FAM219A: variants seen among roughly 807,000 people sequenced by gnomAD.
FAM219A encodes family with sequence similarity 219 member A.
Under a neutral mutation model 23.4 loss-of-function variants are expected in FAM219A, and 7 were observed. The observed-to-expected ratio is 0.30, with a 90% CI of 0.17 to 0.56. The LOEUF (loss-of-function observed/expected upper bound fraction) is 0.56. Ranked by LOEUF, FAM219A falls within the 20% of genes least tolerant of loss-of-function variation. The probability of loss-of-function intolerance (pLI) is 0.92; values close to 1 mark genes in which losing one functional copy is unlikely to be tolerated. For synonymous variants in FAM219A, 93 were observed against 99.0 expected (o/e 0.94, Z 0.36); for missense variants, 166 against 246.9 (o/e 0.67, Z 2.20).
chr9:34,440,961 C>G (rs554832182), intron 1 of FAM219A, among the ~76,000 whole-genome samples: 1 of 152,178 alleles, frequency 6.6e-6, no homozygotes, highest in Non-Finnish European at 1.5e-5. Context: ...GCCTTTAACT[C>G]CTGGGCTCAA....
At chr9:34,441,599 G>A (rs946931945) in intron 1 of FAM219A, among the ~76,000 whole-genome samples, 3 of 152,132 alleles carry the variant, frequency 2.0e-5, no homozygotes, top group Non-Finnish European at 4.4e-5. Context: ...TACCTGTGGG[G>A]GTATGAAGGC....
chr9:34,444,670 T>C (rs1823305688), intron 1 of FAM219A, among the ~76,000 whole-genome samples: 1 of 152,164 alleles, frequency 6.6e-6, no homozygotes, highest in Non-Finnish European at 1.5e-5. Context: ...GGAACTCAGA[T>C]TGCTAACTCA....
chr9:34,456,041 A>C (rs1407646899), intron 1 of FAM219A, among the ~76,000 whole-genome samples: 1 of 152,120 alleles, frequency 6.6e-6, no homozygotes, highest in Non-Finnish European at 1.5e-5. Flanking sequence ...AAAAATACAA[A>C]AATTAGCCAT....
intron 1 of FAM219A, among the ~76,000 whole-genome samples, chr9:34,441,268 C>T (rs116750475): frequency 0.016 from 2,451 of 152,312 alleles, 74 homozygotes; most frequent in African/African-American, 0.056. Context: ...ATAAACCCAG[C>T]CCTTGCTGAA....
rs566805086 is a variant in FAM219A at position 34,457,034 on chromosome 9, G to A, written c.60+1170C>T. Among the ~76,000 whole-genome samples, 1 of 152,254 alleles carries A rather than the reference G, an allele frequency of 6.6e-6. No individual in the cohort carries two copies. The highest frequency in any genetic ancestry group is 2.4e-5 in the African/African-American group (1 of 41,544). The stretch of plus-strand genomic sequence containing the variant: ...TAGGCCCAAGGGTAGACCTGTTTCT[G>A]GCCACCCTGCCTAACACAGAAGCAG... On this transcript the variant is annotated intron_variant, in intron 1 of 5. Coordinates refer to ENST00000651358, the MANE Select transcript of FAM219A (RefSeq NM_001184940.2). The surrounding 1 kb of genome is among the most constrained non-coding windows in gnomAD (Gnocchi z 5.1).
intron 1 of FAM219A, among the ~76,000 whole-genome samples, chr9:34,408,756 G>A (rs976525716): frequency 3.9e-5 from 6 of 152,232 alleles, no homozygotes; most frequent in African/African-American, 7.2e-5. Flanking sequence ...AATCTGTGGC[G>A]TTTCAATCCT....
At chr9:34,405,255 T>C (rs899301620) in intron 2 of FAM219A, among the ~76,000 whole-genome samples, 4 of 152,106 alleles carry the variant, frequency 2.6e-5, no homozygotes, top group African/African-American at 4.8e-5. Flanking sequence ...CTGTGGACAG[T>C]GGCCAGAAGC....
In FAM219A at chr9:34,458,184, C is replaced by T; in HGVS notation, c.60+20G>A. 1 of 1,578,880 alleles carries T rather than the reference C, an allele frequency of 6.3e-7. No individual in the cohort carries two copies. The highest frequency in any genetic ancestry group is 8.6e-7 in the Non-Finnish European group (1 of 1,168,618). The stretch of plus-strand genomic sequence containing the variant: ...CGACGCCCCCTCCGGCCTTGGCCTG[C>T]CCGCCGCCCGCCCCCTCACCAGCGG... On this transcript the variant is annotated intron_variant, in intron 1 of 5. Transcript: ENST00000651358. The surrounding 1 kb of genome is among the most constrained non-coding windows in gnomAD (Gnocchi z 6.6).
rs557603555 is a variant in FAM219A at position 34,408,580 on chromosome 9, G to C, written c.61-2616C>G. On this transcript the variant is annotated intron_variant, in intron 1 of 5. Transcript: ENST00000651358. ...CATATACCACATCCATTTGGAAAAG[G>C]CTTCCTCCCTTGGCTCATCTCTTGC... Among the ~76,000 whole-genome samples, 3 of 152,238 alleles carry C rather than the reference G, an allele frequency of 2.0e-5. No homozygotes were observed. In the South Asian group the frequency reaches 6.2e-4, roughly 32 times the overall value.
chr9:34,408,859 C>T (rs559927961), intron 1 of FAM219A, among the ~76,000 whole-genome samples: 5 of 152,300 alleles, frequency 3.3e-5, no homozygotes, highest in Non-Finnish European at 5.9e-5. Context: ...AAACACAATC[C>T]GTTAGACATT....
intron 1 of FAM219A, among the ~76,000 whole-genome samples, chr9:34,427,199 C>T (rs72735205): frequency 0.037 from 5,698 of 152,110 alleles, 170 homozygotes; most frequent in Non-Finnish European, 0.046. Flanking sequence ...TGAGACAGTG[C>T]CTTACTCAGT....
intron 1 of FAM219A, among the ~76,000 whole-genome samples, chr9:34,423,587 C>T (rs1822356182): frequency 6.6e-6 from 1 of 152,034 alleles, no homozygotes; most frequent in Admixed American, 6.6e-5. Flanking sequence ...TTGGACTTCA[C>T]CTGGAAATAA....
intron 1 of FAM219A, among the ~76,000 whole-genome samples, chr9:34,426,520 C>A (rs1822481050): frequency 6.6e-6 from 1 of 152,234 alleles, no homozygotes; most frequent in African/African-American, 2.4e-5. Context: ...CTTTGACATG[C>A]TGATGTTATC....
At chr9:34,441,390 C>G (rs946913874) in intron 1 of FAM219A, among the ~76,000 whole-genome samples, 1 of 152,188 alleles carries the variant, frequency 6.6e-6, no homozygotes, top group African/African-American at 2.4e-5. Context: ...AAGTGAGATA[C>G]TGCTGTTCCA....
Position 34,400,235 on chromosome 9 carries a change from T to C in FAM219A, c.*729A>G, listed in dbSNP as rs1013863602. On this transcript the variant is annotated 3_prime_UTR_variant, in exon 6 of 6. Transcript: ENST00000651358. ...GTGGGGTGGGCTGGTGGCAGACAGA[T>C]AGATGCATTGGTGAGGGGCCAATTA... 1 of 151,786 alleles carries C rather than the reference T, an allele frequency of 6.6e-6. No homozygotes were observed. The highest frequency in any genetic ancestry group is 1.5e-5 in the Non-Finnish European group (1 of 67,986). The allele number at this position is 151,786 out of a possible 1,614,324, so 9.4% of individuals were successfully genotyped here.
At chr9:34,415,011 G>A (rs527551801) in intron 1 of FAM219A, among the ~76,000 whole-genome samples, 19 of 152,216 alleles carry the variant, frequency 1.2e-4, no homozygotes, top group Non-Finnish European at 1.3e-4. Flanking sequence ...GAGTGCAGTG[G>A]TGCTGTCACA....
At chr9:34,440,358 T>A (rs532907606) in intron 1 of FAM219A, among the ~76,000 whole-genome samples, 1 of 152,136 alleles carries the variant, frequency 6.6e-6, no homozygotes, top group Non-Finnish European at 1.5e-5. Context: ...AAGAGGCAGC[T>A]CTCAACTTCT....
At chr9:34,443,976 T>G (rs1823278953) in intron 1 of FAM219A, among the ~76,000 whole-genome samples, 1 of 152,202 alleles carries the variant, frequency 6.6e-6, no homozygotes. Flanking sequence ...AACCCTCAAC[T>G]TGGTCTCCCT....
At chr9:34,416,808 A>T (rs1167247168) in intron 1 of FAM219A, among the ~76,000 whole-genome samples, 4 of 113,646 alleles carry the variant, frequency 3.5e-5, no homozygotes, top group South Asian at 2.8e-4. Context: ...TCAGCTCTCC[A>T]TTTTTTTTTT....
Sources: gnomAD v4.1 joint callset for allele counts (sites outside exome capture counted in the v4.1 genomes callset) on GRCh38, gnomAD v4.1.1 for gene constraint, Gnocchi (gnomAD v3.1) non-coding constraint, MANE v1.5 for transcripts, NCBI Gene and HGNC (gene_info 2026-07-23, HGNC 2026-07-21) for gene names.